Variants in ZNF473 observed in about 807,000 individuals in gnomAD.
ZNF473 encodes zinc finger protein 473.
In ZNF473, 4 loss-of-function variants were observed where a neutral mutation model predicts 11.1. That is an observed-to-expected ratio of 0.36 (90% confidence interval 0.18 to 0.82). The LOEUF (loss-of-function observed/expected upper bound fraction) is 0.82, where lower values mean the gene tolerates loss of function less well. ZNF473 is among the 40% of genes least tolerant of loss of function. The probability of loss-of-function intolerance (pLI) is 0.49; values close to 1 mark genes in which losing one functional copy is unlikely to be tolerated. For synonymous variants in ZNF473, 404 were observed against 390.4 expected (o/e 1.03, Z -0.41); for missense variants, 854 against 1,084.0 (o/e 0.79, Z 2.98).
intron 2 of ZNF473, among the ~76,000 whole-genome samples, chr19:50,032,921 T>C (rs747096373): frequency 3.3e-5 from 5 of 152,216 alleles, no homozygotes; most frequent in Non-Finnish European, 7.3e-5. Context: ...GTGTTTGTCT[T>C]TGTGTCCCCA....
At chr19:50,028,876 A>C (rs2077301754) in intron 1 of ZNF473, among the ~76,000 whole-genome samples, 1 of 152,234 alleles carries the variant, frequency 6.6e-6, no homozygotes, top group South Asian at 2.1e-4. Context: ...TGACATGTAG[A>C]AAAACTCATT....
rs1420412590 is a variant in ZNF473, at chr19:50,044,656, A to G, written c.227-14A>G. 1.3e-6 allele frequency: 2 copies of G among 1,587,946 alleles called. No individual in the cohort carries two copies. The highest frequency in any genetic ancestry group is 1.7e-6 in the Non-Finnish European group (2 of 1,165,440). ...CCCTTAGTGAACAGGAGACATTTGC[A>G]CTTGCTCTTTCAGATGTGACTGAGA... On this transcript the variant is annotated splice_polypyrimidine_tract_variant and intron_variant, in intron 4 of 4. Transcript: ENST00000270617.
At chr19:50,038,176 AT>A (rs200891086) in intron 2 of ZNF473, among the ~76,000 whole-genome samples, 16 of 133,718 alleles carry the variant, frequency 1.2e-4, no homozygotes, top group African/African-American at 5.7e-4. Flanking sequence ...ATAAATTATA[AT>A]TTTATAAATT....
At chr19:50,031,915 C>G (rs1357090548) in intron 2 of ZNF473, among the ~76,000 whole-genome samples, 1 of 151,970 alleles carries the variant, frequency 6.6e-6, no homozygotes, top group Non-Finnish European at 1.5e-5. Context: ...GACCTCAAGG[C>G]AATGGCCTCC....
chr19:50,042,091 C>A, intron 4 of ZNF473: 1 of 273,202 alleles, frequency 3.7e-6, no homozygotes, highest in Non-Finnish European at 6.9e-6. Context: ...TCCTTCCAGA[C>A]TCAACAAGGG....
Position 50,026,117 on chromosome 19 carries a change from C to T in ZNF473, c.-197C>T, listed in dbSNP as rs2077271622. Reference sequence around the variant, plus strand: ...GTCTGTTGACGCGGCCGACTACAATCCCGAGGTACGGAGACGCTGGGGCTG... The same window carrying T: ...GTCTGTTGACGCGGCCGACTACAATTCCGAGGTACGGAGACGCTGGGGCTG... On this transcript the variant is annotated 5_prime_UTR_variant, in exon 1 of 5. Transcript: ENST00000270617. 2 of 152,822 alleles carry T rather than the reference C, an allele frequency of 1.3e-5. 1 individual carries two copies. Among genetic ancestry groups the T allele is most frequent in the Non-Finnish European group, 2.9e-5 (2 of 68,048 alleles). The allele number at this position is 152,822 out of a possible 1,614,324, so 9.5% of individuals were successfully genotyped here.
Position 50,045,973 on chromosome 19 carries a change from T to C in ZNF473, c.1530T>C (p.Thr510=). 1 of 1,614,152 alleles carries C rather than the reference T, an allele frequency of 6.2e-7. No homozygotes were observed. The highest frequency in any genetic ancestry group is 8.5e-7 in the Non-Finnish European group (1 of 1,180,026). Residue 510 remains threonine, a synonymous_variant, in exon 5 of 5, where the codon ACT becomes ACC. Coordinates refer to ENST00000270617, the MANE Select transcript of ZNF473 (RefSeq NM_015428.4). ...NRLVQHQKMH[T]VKTPYECQEC... is the part of the protein sequence containing the mutation. ...TTGTGCAACACCAGAAAATGCACAC[T>C]GTCAAAACCCCATATGAATGTCAGG... is the stretch of plus-strand genomic sequence containing the variant.
At chr19:50,041,978 G>A (rs1410618541) in intron 4 of ZNF473, 159 bp downstream of exon 4, 6 of 564,680 alleles carry the variant, frequency 1.1e-5, no homozygotes, top group Non-Finnish European at 1.8e-5. Context: ...TGTCCTGGGA[G>A]CTGGGGGGAT....
chr19:50,036,345 A>C (rs1177088911), intron 2 of ZNF473, among the ~76,000 whole-genome samples: 1 of 114,370 alleles, frequency 8.7e-6, no homozygotes, highest in Admixed American at 1.0e-4. Flanking sequence ...ATGGAGTCTC[A>C]CTCTGTCACC....
At position 50,046,338 on chromosome 19, in the gene ZNF473, C is replaced by T; in HGVS notation, c.1895C>T (p.Ser632Phe). Residue 632 changes from serine to phenylalanine, a missense_variant, in exon 5 of 5, where the codon TCC becomes TTC. Physicochemically the swap from Ser to Phe is radical, Grantham distance 155. Coordinates refer to ENST00000270617, the MANE Select transcript of ZNF473 (RefSeq NM_015428.4). The surrounding 1 kb of genome is among the most constrained non-coding windows in gnomAD (Gnocchi z 5.9). ...CAAGGGAAAGCCATCAGCAGTGCCT[C>T]CCTTATCAAACTTCAGTCCTTCCAC... is the stretch of plus-strand genomic sequence containing the variant. Reference protein sequence around the residue: ...GEQGKAISSASLIKLQSFHTK... With the variant: ...GEQGKAISSAFLIKLQSFHTK... 1 of 1,614,162 alleles carries T rather than the reference C, an allele frequency of 6.2e-7. No homozygotes were observed. Among genetic ancestry groups the T allele is most frequent in the Non-Finnish European group, 8.5e-7 (1 of 1,180,038 alleles).
chr19:50,035,392 C>T (rs763408012), intron 2 of ZNF473, among the ~76,000 whole-genome samples: 1 of 151,402 alleles, frequency 6.6e-6, no homozygotes, highest in Non-Finnish European at 1.5e-5. Flanking sequence ...CTAGTTTTCA[C>T]TATAAGGAAT....
rs781215266 is a variant in ZNF473 at position 50,046,415 on chromosome 19, A to G, written c.1972A>G (p.Ser658Gly). ...CGAATGCGGAAAGACCTTCAGCCAC[A>G]GTGCACACCTCTCAAAACATCAGTT... The part of the protein sequence containing the change: ...CNECGKTFSH[S>G]AHLSKHQLIH... The change falls in exon 5 of 5, where the codon AGT becomes GGT. Residue 658 changes from serine (S) to glycine (G), a missense_variant. Ser to Gly is a moderately conservative substitution (Grantham distance 56). Around this residue, in one of 2 missense-constraint regions of ZNF473, gnomAD observed 186 missense variants for 293.8 expected, o/e 0.63. Coordinates refer to ENST00000270617, the MANE Select transcript of ZNF473 (RefSeq NM_015428.4). This position sits in a 1 kb window ranked among gnomAD's most constrained non-coding sequence, Gnocchi z 5.9. 5.0e-6 allele frequency: 8 copies of G among 1,614,244 alleles called. No individual in the cohort carries two copies. The highest frequency in any genetic ancestry group is 4.4e-5 in the South Asian group (4 of 91,076).
At chr19:50,027,915 C>G (rs1453000279) in intron 1 of ZNF473, among the ~76,000 whole-genome samples, 1 of 152,132 alleles carries the variant, frequency 6.6e-6, no homozygotes. Context: ...TCTTGGACTC[C>G]AAACTTCAGG....
chr19:50,038,203 T>C (rs1324767771), intron 2 of ZNF473, among the ~76,000 whole-genome samples: 1 of 140,490 alleles, frequency 7.1e-6, no homozygotes, highest in Non-Finnish European at 1.6e-5. Flanking sequence ...ATTTATAAAT[T>C]ATATATATAA....
Position 50,034,186 on chromosome 19 carries a change from C to T in ZNF473, c.9+3095C>T, listed in dbSNP as rs577072953. Among the ~76,000 whole-genome samples, 10 of 152,290 alleles carry T rather than the reference C, an allele frequency of 6.6e-5. 1 individual carries two copies. The highest frequency in any genetic ancestry group is 2.4e-4 in the African/African-American group (10 of 41,562). On this transcript the variant is annotated intron_variant, in intron 2 of 4. Transcript: ENST00000270617. ...AGCCATCCCAGGGTCTTCTGTCTTT[C>T]ACACCCTCCATGTTATTCGTCAGGA...
At position 50,046,848 on chromosome 19, in the gene ZNF473, C is replaced by T; in HGVS notation, c.2405C>T (p.Thr802Ile). ...GKAFAQKANL[T>I]QHQRIHTGEK... is the part of the protein sequence containing the mutation. ...GCCTTTGCCCAGAAAGCAAATCTAACACAGCACCAGAGAATTCACACAGGG... is the reference window on the plus strand; with the variant it reads ...GCCTTTGCCCAGAAAGCAAATCTAATACAGCACCAGAGAATTCACACAGGG... The change falls in exon 5 of 5, where the codon ACA becomes ATA. Residue 802 changes from threonine (T) to isoleucine (I), a missense_variant. Thr to Ile is a moderately conservative substitution (Grantham distance 89, BLOSUM62 -1). This residue lies in a region of ZNF473 where 186 missense variants were observed against 293.8 expected (regional missense o/e 0.63). Coordinates refer to ENST00000270617, the MANE Select transcript of ZNF473 (RefSeq NM_015428.4). This position sits in a 1 kb window ranked among gnomAD's most constrained non-coding sequence, Gnocchi z 5.9. 1 of 1,614,154 alleles carries T rather than the reference C, an allele frequency of 6.2e-7. No individual in the cohort carries two copies. Among genetic ancestry groups the T allele is most frequent in the Non-Finnish European group, 8.5e-7 (1 of 1,180,034 alleles).
Position 50,047,293 on chromosome 19 carries a change from G to A in ZNF473, c.*234G>A, listed in dbSNP as rs1979197277. 2.1e-6 allele frequency: 1 copy of A among 476,094 alleles called. No homozygotes were observed. Among genetic ancestry groups the A allele is most frequent in the South Asian group, 2.6e-5 (1 of 37,736 alleles). The allele number at this position is 476,094 out of a possible 1,614,324, so 29.5% of individuals were successfully genotyped here. A position where few individuals can be genotyped will look rare whatever the true frequency, so the allele number is the denominator to read the frequency against. ...CTACCTTGAGTTAAATCCCACCTCT[G>A]CCATCTACTACCTAAGTGACCTTGG... On this transcript the variant is annotated 3_prime_UTR_variant, in exon 5 of 5. Coordinates refer to ENST00000270617, the MANE Select transcript of ZNF473 (RefSeq NM_015428.4).
intron 2 of ZNF473, among the ~76,000 whole-genome samples, chr19:50,035,073 C>T (rs1452042443): frequency 6.6e-6 from 1 of 152,130 alleles, no homozygotes; most frequent in African/African-American, 2.4e-5. Flanking sequence ...GGGCAAATTG[C>T]TTGAGCTCAG....
Position 50,045,564 on chromosome 19 carries a change from C to T in ZNF473, c.1121C>T (p.Thr374Ile), listed in dbSNP as rs202154087. 2 of 1,614,212 alleles carry T rather than the reference C, an allele frequency of 1.2e-6. No individual in the cohort carries two copies. Among genetic ancestry groups the T allele is most frequent in the South Asian group, 1.1e-5 (1 of 91,084 alleles). The change falls in exon 5 of 5, where the codon ACC becomes ATC. Residue 374 changes from threonine (T) to isoleucine (I), a missense_variant. Physicochemically the swap from Thr to Ile is moderately conservative, Grantham distance 89. Coordinates refer to ENST00000270617, the MANE Select transcript of ZNF473 (RefSeq NM_015428.4). The part of the protein sequence containing the change: ...QHQKTHAAKT[T>I]SECQECGKIF... ...CAGAAAACTCACGCTGCAAAAACTA[C>T]CTCTGAGTGTCAGGAGTGTGGGAAG...
Sources: gnomAD v4.1 joint callset for allele counts (sites outside exome capture counted in the v4.1 genomes callset) on GRCh38, gnomAD v4.1.1 for gene constraint, gnomAD v4.1.1 regional missense constraint, Gnocchi (gnomAD v3.1) non-coding constraint, MANE v1.5 for transcripts, NCBI Gene and HGNC (gene_info 2026-07-23, HGNC 2026-07-21) for gene names.